The following TENM3 variants were observed in gnomAD, a reference collection of about 807,000 sequenced individuals.
TENM3 encodes the protein teneurin transmembrane protein 3.
A neutral mutation model predicts 255.1 loss-of-function variants in TENM3; 63 were observed. That is an observed-to-expected ratio of 0.25 (90% CI 0.20 to 0.30). TENM3 has a LOEUF of 0.30. TENM3 is among the 10% of genes least tolerant of loss of function. The pLI is 1.00. For missense variants in TENM3, 2,929 were observed against 3,461.1 expected (o/e 0.85, Z 3.86); for synonymous variants, 1,306 against 1,322.3 (o/e 0.99, Z 0.27).
intron 3 of TENM3, among the ~76,000 whole-genome samples, chr4:182,437,042 A>T (rs1346368172): frequency 6.6e-6 from 1 of 152,132 alleles, no homozygotes; most frequent in Non-Finnish European, 1.5e-5. Flanking sequence ...AAAAAAAAAA[A>T]AATGCACCAG....
the TENM3 span, among the ~76,000 whole-genome samples, chr4:182,040,884 G>C: frequency 2.9e-4 from 44 of 152,208 alleles, no homozygotes; most frequent in Non-Finnish European, 4.9e-4. Context: ...GGGAAAGAAG[G>C]GGGACAGAGA....
At chr4:181,730,936 G>T in the TENM3 span, among the ~76,000 whole-genome samples, 1 of 152,156 alleles carries the variant, frequency 6.6e-6, no homozygotes, top group African/African-American at 2.4e-5. Flanking sequence ...ACAGTTTTCA[G>T]TATGGAAAAC....
chr4:182,679,822 T>C lies in TENM3; in HGVS notation c.1483T>C (p.Phe495Leu). 6.2e-7 allele frequency: 1 copy of C among 1,613,874 alleles called. No homozygotes were observed. The highest frequency in any genetic ancestry group is 8.5e-7 in the Non-Finnish European group (1 of 1,179,832). The change falls in exon 8 of 28, where the codon TTT (phenylalanine) becomes CTT (leucine). Residue 495 changes from phenylalanine (F) to leucine (L), a missense_variant. Physicochemically the swap from Phe to Leu is conservative, Grantham distance 22 (BLOSUM62 0). This residue lies in a region of TENM3 where 1,608 missense variants were observed against 1,884.4 expected (regional missense o/e 0.85). Transcript: ENST00000511685. ...GGATTCTGGAATCTGGCATCTGGCT[T>C]TTTATAATGATGGGAAAAATGCAGA... ...YLDSGIWHLA[F>L]YNDGKNAEQV... is the part of the protein sequence containing the mutation.
At chr4:182,051,948 T>C in the TENM3 span, among the ~76,000 whole-genome samples, 1 of 152,094 alleles carries the variant, frequency 6.6e-6, no homozygotes, top group South Asian at 2.1e-4. Context: ...TGTTTTCAAA[T>C]GAGGACAGGT....
At chr4:182,211,076 C>T (rs1024824642) in intron 1 of TENM3, among the ~76,000 whole-genome samples, 3 of 152,128 alleles carry the variant, frequency 2.0e-5, no homozygotes, top group East Asian at 1.9e-4. Context: ...ATTTTAAGCC[C>T]GTCCCCAGAG....
chr4:182,695,107 T>A (rs1476088960), intron 12 of TENM3, among the ~76,000 whole-genome samples: 1 of 152,214 alleles, frequency 6.6e-6, no homozygotes, highest in African/African-American at 2.4e-5. Flanking sequence ...TGTTTATAAT[T>A]TCCAATAACA....
chr4:181,454,927 A>C, the TENM3 span, among the ~76,000 whole-genome samples: 1 of 152,100 alleles, frequency 6.6e-6, no homozygotes, highest in South Asian at 2.1e-4. Flanking sequence ...ACATCAACAA[A>C]ATCACCTAAG....
chr4:181,809,073 C>G, the TENM3 span, among the ~76,000 whole-genome samples: 1 of 152,188 alleles, frequency 6.6e-6, no homozygotes, highest in Non-Finnish European at 1.5e-5. Flanking sequence ...ATAAAAACAT[C>G]TTGACATTTG....
chr4:181,571,843 G>A, the TENM3 span, among the ~76,000 whole-genome samples: 1 of 151,914 alleles, frequency 6.6e-6, no homozygotes, highest in East Asian at 1.9e-4. Context: ...ACTTTTACTA[G>A]ATTTATAACA....
chr4:182,257,748 T>G (rs1179529466), intron 1 of TENM3, among the ~76,000 whole-genome samples: 2 of 152,310 alleles, frequency 1.3e-5, no homozygotes, highest in African/African-American at 4.8e-5. Context: ...ACCCTCATTT[T>G]ACTGAAGAGA....
the TENM3 span, among the ~76,000 whole-genome samples, chr4:181,577,191 TATATA>T: frequency 7.9e-6 from 1 of 127,004 alleles, no homozygotes; most frequent in African/African-American, 3.0e-5. Flanking sequence ...TTATATATTA[TATATA>T]TTATATATAT....
the TENM3 span, among the ~76,000 whole-genome samples, chr4:181,460,235 T>C: frequency 6.6e-6 from 1 of 151,986 alleles, no homozygotes; most frequent in Non-Finnish European, 1.5e-5. Context: ...GAAAAGTGAA[T>C]AGACAACTTT....
intron 3 of TENM3, among the ~76,000 whole-genome samples, chr4:182,459,176 C>T (rs1040088058): frequency 5.9e-5 from 9 of 151,912 alleles, no homozygotes; most frequent in African/African-American, 1.9e-4. Flanking sequence ...GATCTATTCC[C>T]GAGAGAGTAT....
intron 4 of TENM3, among the ~76,000 whole-genome samples, chr4:182,621,590 C>T (rs555260214): frequency 9.6e-4 from 88 of 91,460 alleles, no homozygotes; most frequent in African/African-American, 3.3e-3. Flanking sequence ...TAGGGAGACC[C>T]CCATCTGTAC....
intron 1 of TENM3, among the ~76,000 whole-genome samples, chr4:182,235,903 A>C (rs1756872364): frequency 6.6e-6 from 1 of 152,252 alleles, no homozygotes; most frequent in Non-Finnish European, 1.5e-5. Context: ...TGAACAAAGC[A>C]GTCTAAAAAA....
chr4:182,217,985 C>T (rs1158397428), intron 1 of TENM3, among the ~76,000 whole-genome samples: 5 of 152,140 alleles, frequency 3.3e-5, no homozygotes, highest in Admixed American at 2.0e-4. Context: ...AGACAGTCAT[C>T]GGAGTAACAG....
At chr4:181,663,608 T>G in the TENM3 span, among the ~76,000 whole-genome samples, 1 of 152,320 alleles carries the variant, frequency 6.6e-6, no homozygotes, top group South Asian at 2.1e-4. Flanking sequence ...TCATCTATGC[T>G]TAAAGAGCTG....
intron 2 of TENM3, among the ~76,000 whole-genome samples, chr4:182,338,285 C>CG (rs1368657192): frequency 6.6e-6 from 1 of 152,154 alleles, no homozygotes; most frequent in Non-Finnish European, 1.5e-5. Flanking sequence ...AAACAACCTC[C>CG]GCTGTCATCG....
the TENM3 span, among the ~76,000 whole-genome samples, chr4:181,543,693 C>T: frequency 6.6e-6 from 1 of 152,194 alleles, no homozygotes; most frequent in Non-Finnish European, 1.5e-5. Flanking sequence ...CAGGCCCTGG[C>T]ACCTCCATTC....
Sources: gnomAD v4.1 joint callset for allele counts (sites outside exome capture counted in the v4.1 genomes callset) on GRCh38, gnomAD v4.1.1 for gene constraint, gnomAD v4.1.1 regional missense constraint, MANE v1.5 for transcripts, NCBI Gene and HGNC (gene_info 2026-07-23, HGNC 2026-07-21) for gene names.